Variants in CFAP44 observed in about 807,000 individuals in gnomAD.
CFAP44 encodes the protein cilia- and flagella-associated protein 44.
In CFAP44, 134 loss-of-function variants were observed where a neutral mutation model predicts 216.2. That is an observed-to-expected ratio of 0.62 (90% CI 0.54 to 0.72). The LOEUF (loss-of-function observed/expected upper bound fraction) is 0.72. Among genes scored for constraint, CFAP44 ranks in the 30% least tolerant of loss-of-function variants. The pLI, the probability that CFAP44 is intolerant of heterozygous loss-of-function variation, is 0.00. For synonymous variants in CFAP44, 700 were observed against 727.6 expected (o/e 0.96, Z 0.61); for missense variants, 2,035 against 2,182.1 (o/e 0.93, Z 1.34).
intron 6 of CFAP44, among the ~76,000 whole-genome samples, chr3:113,410,344 T>C (rs1460773140): frequency 1.3e-5 from 2 of 152,156 alleles, no homozygotes; most frequent in Non-Finnish European, 2.9e-5. Flanking sequence ...TTCCCCTTCC[T>C]GTGTCCAAGT....
At chr3:113,360,573 A>G (rs1317661274) in intron 21 of CFAP44, 1 of 189,292 alleles carries the variant, frequency 5.3e-6, no homozygotes, top group Non-Finnish European at 1.2e-5. Context: ...TCTGTATGAT[A>G]GTATTAATGT....
chr3:113,349,124 AT>A (rs1005613365), intron 22 of CFAP44, among the ~76,000 whole-genome samples: 3 of 152,352 alleles, frequency 2.0e-5, no homozygotes, highest in African/African-American at 7.2e-5. Context: ...ACTAAGGACA[AT>A]TAAGAAAAAG....
intron 18 of CFAP44, among the ~76,000 whole-genome samples, chr3:113,372,977 A>C (rs1024859433): frequency 1.3e-5 from 2 of 152,212 alleles, no homozygotes; most frequent in Admixed American, 6.5e-5. Context: ...ACTAATACAA[A>C]AGAATAGAGA....
At position 113,426,326 on chromosome 3, in the gene CFAP44, C is replaced by T. The variant is rs1478664569; in HGVS notation, c.254-49G>A. The T allele has an allele frequency of 3.2e-6, 5 of 1,583,120 alleles. No homozygotes were observed. In the East Asian group the frequency reaches 1.1e-4, roughly 36 times the overall value. On this transcript the variant is annotated intron_variant, in intron 3 of 34. Transcript: ENST00000393845. ...AAGAGTGATATGGTTTGGCTGTGTC[C>T]CCACCCAAATCTCAACTTGAATTGT...
At chr3:113,420,860 T>C (rs557927670) in intron 4 of CFAP44, among the ~76,000 whole-genome samples, 2 of 152,330 alleles carry the variant, frequency 1.3e-5, no homozygotes, top group African/African-American at 4.8e-5. Flanking sequence ...AATATATATG[T>C]AATTAATAGA....
Position 113,362,327 on chromosome 3 carries a change from G to A in CFAP44, c.2934+818C>T, listed in dbSNP as rs551918520. ...GACAGTACACTAGAAGGCACTCCTCGTGATGCTCTGGGCTCCACTCCCTTT... is the reference window on the plus strand; with the variant it reads ...GACAGTACACTAGAAGGCACTCCTCATGATGCTCTGGGCTCCACTCCCTTT... On this transcript the variant is annotated intron_variant, in intron 21 of 34. Coordinates refer to ENST00000393845, the MANE Select transcript of CFAP44 (RefSeq NM_001164496.2). Among the ~76,000 whole-genome samples, 34 of 152,084 alleles carry A rather than the reference G, an allele frequency of 2.2e-4. 1 individual carries two copies. The highest frequency in any genetic ancestry group is 1.3e-4 in the Non-Finnish European group (9 of 68,022).
intron 32 of CFAP44, among the ~76,000 whole-genome samples, chr3:113,301,220 A>G (rs1288411510): frequency 2.0e-5 from 3 of 152,182 alleles, no homozygotes; most frequent in Non-Finnish European, 4.4e-5. Flanking sequence ...ATATTAAATG[A>G]GAGTATGTTT....
intron 4 of CFAP44, among the ~76,000 whole-genome samples, chr3:113,423,484 T>C (rs1934877245): frequency 6.6e-6 from 1 of 152,078 alleles, no homozygotes; most frequent in Non-Finnish European, 1.5e-5. Context: ...AGACCCTTAG[T>C]AGAGTTCTGA....
rs553172229 is a variant in CFAP44 at position 113,423,352 on chromosome 3, T to C, written c.407+2772A>G. On this transcript the variant is annotated intron_variant, in intron 4 of 34. Transcript: ENST00000393845. ...CTGGTCTCGCACTCCTGAGCTCAAG[T>C]GATCTGGCTGCCTCCTGAGCTCAAG... 5.3e-5 allele frequency among the ~76,000 whole-genome samples: 8 copies of C among 152,192 alleles called. No homozygotes were observed. In the South Asian group the frequency reaches 1.7e-3, roughly 32 times the overall value.
intron 6 of CFAP44, among the ~76,000 whole-genome samples, chr3:113,411,325 A>C (rs1438942568): frequency 3.9e-5 from 6 of 152,158 alleles, no homozygotes; most frequent in African/African-American, 1.4e-4. Flanking sequence ...TTTTTGTATA[A>C]GGTGTAAGGA....
intron 6 of CFAP44, among the ~76,000 whole-genome samples, chr3:113,411,221 A>G (rs1281778244): frequency 6.6e-6 from 1 of 152,196 alleles, no homozygotes; most frequent in African/African-American, 2.4e-5. Context: ...GTCCTTGCCC[A>G]TGCCTATTTC....
chr3:113,432,151 A>G (rs1212539366), intron 2 of CFAP44: 2 of 152,190 alleles, frequency 1.3e-5, no homozygotes, highest in Non-Finnish European at 2.9e-5. Flanking sequence ...AAGTCCATAT[A>G]AGACTTAGTA....
In CFAP44 at chr3:113,317,421, C is replaced by T. The variant is rs11917869; in HGVS notation, c.4516+9024G>A. On this transcript the variant is annotated intron_variant, in intron 28 of 34. Transcript: ENST00000393845. ...CCGGCTTCCCTTTGGGACTGGGGCA[C>T]ATCTTCTCTGCAAGCCCTCCTGCCT... is the stretch of plus-strand genomic sequence containing the variant. 9.0e-3 allele frequency among the ~76,000 whole-genome samples: 1,359 copies of T among 151,668 alleles called. 17 individuals are homozygous for T. Among genetic ancestry groups the T allele is most frequent in the African/African-American group, 0.031 (1,268 of 40,918 alleles).
chr3:113,296,782 C>T lies in CFAP44; in HGVS notation c.5181G>A (p.Leu1727=). 1 of 1,537,772 alleles carries T rather than the reference C, an allele frequency of 6.5e-7. No individual in the cohort carries two copies. Among genetic ancestry groups the T allele is most frequent in the Non-Finnish European group, 8.7e-7 (1 of 1,147,020 alleles). The change falls in exon 33 of 35, where the codon CTG becomes CTA. Residue 1727 remains leucine, a synonymous_variant. Transcript: ENST00000393845. The part of the protein sequence containing the change: ...TLSVNTTLEE[L]KIRKLRKELA... ...GCTCCTTTCGAAGTTTTCTGATCTT[C>T]AGTTCTTCAAGTGTTGTATTAACAG...
At chr3:113,292,225 T>C (rs1949836635) in intron 34 of CFAP44, among the ~76,000 whole-genome samples, 2 of 152,284 alleles carry the variant, frequency 1.3e-5, no homozygotes, top group Non-Finnish European at 2.9e-5. Flanking sequence ...TATCGAAACA[T>C]CCATTATACA....
intron 29 of CFAP44, among the ~76,000 whole-genome samples, chr3:113,307,698 G>A (rs1018811686): frequency 1.3e-5 from 2 of 152,194 alleles, no homozygotes; most frequent in African/African-American, 2.4e-5. Flanking sequence ...AGCTAGGCAC[G>A]ATGGCTCACG....
chr3:113,410,319 C>A (rs941938037), intron 6 of CFAP44, among the ~76,000 whole-genome samples: 3 of 152,130 alleles, frequency 2.0e-5, no homozygotes, highest in Admixed American at 6.5e-5. Flanking sequence ...CCACGACAGG[C>A]CCCGGTGTGT....
chr3:113,346,341 C>A (rs937751732), intron 22 of CFAP44, among the ~76,000 whole-genome samples: 2 of 151,806 alleles, frequency 1.3e-5, no homozygotes. Context: ...TGTAAGTGCA[C>A]CAATCAGCAC....
At position 113,379,325 on chromosome 3, in the gene CFAP44, C is replaced by T. The variant is rs777352698; in HGVS notation, c.2279G>A (p.Gly760Glu). 17 of 1,586,536 alleles carry T rather than the reference C, an allele frequency of 1.1e-5. No individual in the cohort carries two copies. The Admixed American group carries it at 2.9e-4, about 27-fold the overall frequency. ...ACTTACCAAAGAAACCCAGAACTTC[C>T]CTGGCTCTGAGTAAAATCCACAGAG... ...PILCGFYSEPGKFWVSLGGYD... is the reference protein window; with the variant it reads ...PILCGFYSEPEKFWVSLGGYD... The change falls in exon 17 of 35, where the codon GGG becomes GAG. Residue 760 changes from glycine (G) to glutamate (E), a missense_variant. By Grantham distance (98) the Gly-to-Glu change is moderately conservative. Around this residue, in one of 3 missense-constraint regions of CFAP44, gnomAD observed 1,883 missense variants for 2,023.7 expected, o/e 0.93. Transcript: ENST00000393845.
Sources: allele counts gnomAD v4.1 joint callset (sites outside exome capture counted in the v4.1 genomes callset), GRCh38; gene constraint gnomAD v4.1.1; regional missense constraint gnomAD v4.1.1; transcripts MANE v1.5; gene names NCBI Gene and HGNC (gene_info 2026-07-23, HGNC 2026-07-21).